The following CPVL variants were observed in gnomAD, a reference collection of about 807,000 sequenced individuals.
The protein encoded by CPVL is carboxypeptidase vitellogenic like, also known as probable serine carboxypeptidase CPVL.
A neutral mutation model predicts 63.7 loss-of-function variants in CPVL; 51 were observed. The observed-to-expected ratio is 0.80, with a 90% CI of 0.64 to 1.01. The LOEUF (loss-of-function observed/expected upper bound fraction) is 1.01. Among genes scored for constraint, CPVL ranks in the 50% least tolerant of loss-of-function variants. The pLI is 0.00. For synonymous variants in CPVL, 195 were observed against 206.0 expected (o/e 0.95, Z 0.46); for missense variants, 530 against 573.1 (o/e 0.92, Z 0.77).
chr7:28,999,796 C>T (rs766090272), intron 12 of CPVL, among the ~76,000 whole-genome samples: 1 of 152,148 alleles, frequency 6.6e-6, no homozygotes, highest in Non-Finnish European at 1.5e-5. Context: ...CCACAAAATT[C>T]CCAAACAAAG....
intron 11 of CPVL, among the ~76,000 whole-genome samples, chr7:29,060,163 C>T (rs1004799217): frequency 6.7e-5 from 10 of 149,374 alleles, no homozygotes; most frequent in African/African-American, 2.4e-4. Flanking sequence ...TTGGTAATAG[C>T]TTATATATAT....
At chr7:29,094,850 G>GAA (rs913594163) in intron 5 of CPVL, among the ~76,000 whole-genome samples, 7 of 123,928 alleles carry the variant, frequency 5.6e-5, no homozygotes, top group African/African-American at 1.5e-4. Flanking sequence ...CATCTCAATA[G>GAA]AAAAAAAAAA....
intron 6 of CPVL, among the ~76,000 whole-genome samples, chr7:29,091,981 T>G (rs1305176075): frequency 6.6e-6 from 1 of 152,132 alleles, no homozygotes; most frequent in African/African-American, 2.4e-5. Context: ...TTATAATACA[T>G]AAAGCGGTGC....
chr7:29,184,761 TTGACCACA>T (rs1188866343), intron 3 of CPVL, among the ~76,000 whole-genome samples: 1 of 152,180 alleles, frequency 6.6e-6, no homozygotes, highest in Non-Finnish European at 1.5e-5. Flanking sequence ...GAAATAATGT[TTGACCACA>T]TACCTGGGCA....
At chr7:29,160,469 T>G (rs891578827) in intron 5 of CPVL, among the ~76,000 whole-genome samples, 1 of 152,198 alleles carries the variant, frequency 6.6e-6, no homozygotes, top group African/African-American at 2.4e-5. Context: ...CCCTAGTCAG[T>G]CATGGCTACC....
At chr7:29,179,253 T>TG (rs1797765926) in intron 5 of CPVL, among the ~76,000 whole-genome samples, 1 of 152,120 alleles carries the variant, frequency 6.6e-6, no homozygotes, top group Non-Finnish European at 1.5e-5. Flanking sequence ...TGCATGAGAG[T>TG]GGGCATGGGA....
intron 12 of CPVL, among the ~76,000 whole-genome samples, chr7:29,007,232 A>G (rs1405454974): frequency 6.6e-6 from 1 of 152,210 alleles, no homozygotes; most frequent in Non-Finnish European, 1.5e-5. Flanking sequence ...TATTTTAAAT[A>G]ATACAATAAA....
At chr7:29,128,203 TTA>T (rs1216188677) in intron 1 of CPVL, 1 of 148,442 alleles carries the variant, frequency 6.7e-6, no homozygotes. Context: ...TTTTTTTTTT[TTA>T]AACCAAGATC....
chr7:29,090,496 T>C (rs1293145728), intron 6 of CPVL, among the ~76,000 whole-genome samples: 1 of 152,180 alleles, frequency 6.6e-6, no homozygotes, highest in East Asian at 1.9e-4. Flanking sequence ...ATAGCAGCAC[T>C]TCCATTTGGC....
intron 1 of CPVL, among the ~76,000 whole-genome samples, chr7:29,129,906 G>A (rs1327958418): frequency 1.3e-5 from 2 of 152,144 alleles, no homozygotes; most frequent in African/African-American, 2.4e-5. Context: ...GCCATGTGAC[G>A]AAGAGGCAGA....
chr7:29,052,895 C>A (rs1790337115), intron 11 of CPVL, among the ~76,000 whole-genome samples: 1 of 152,074 alleles, frequency 6.6e-6, no homozygotes, highest in East Asian at 1.9e-4. Flanking sequence ...GGCGACAGAG[C>A]AAGTCTCCAT....
intron 5 of CPVL, among the ~76,000 whole-genome samples, chr7:29,174,342 A>G (rs182791282): frequency 1.3e-5 from 2 of 152,208 alleles, no homozygotes; most frequent in East Asian, 1.9e-4. Context: ...GGGAAAGGAC[A>G]GAAGCAAAAG....
intron 12 of CPVL, among the ~76,000 whole-genome samples, chr7:29,018,711 C>T (rs1786664761): frequency 6.6e-6 from 1 of 152,102 alleles, no homozygotes; most frequent in Non-Finnish European, 1.5e-5. Flanking sequence ...GGAGTCAAAA[C>T]TTCCTTAGGG....
chr7:29,044,187 G>A (rs1467912549), intron 11 of CPVL, among the ~76,000 whole-genome samples: 2 of 152,130 alleles, frequency 1.3e-5, no homozygotes, highest in African/African-American at 4.8e-5. Context: ...GGCCGAGGCA[G>A]GAGTTCAAGA....
intron 5 of CPVL, among the ~76,000 whole-genome samples, chr7:29,154,320 A>T (rs1343085798): frequency 6.6e-6 from 1 of 152,188 alleles, no homozygotes; most frequent in Non-Finnish European, 1.5e-5. Flanking sequence ...CTCCATTCGT[A>T]TGCAGTGAAT....
intron 12 of CPVL, among the ~76,000 whole-genome samples, chr7:29,021,388 C>T (rs1786961212): frequency 6.6e-6 from 1 of 152,144 alleles, no homozygotes; most frequent in Non-Finnish European, 1.5e-5. Flanking sequence ...GCTGTCACCT[C>T]CTTCACGAAG....
chr7:29,112,091 G>C (rs185035015), intron 3 of CPVL, among the ~76,000 whole-genome samples: 1 of 152,224 alleles, frequency 6.6e-6, no homozygotes, highest in East Asian at 1.9e-4. Context: ...TGTCTATAGA[G>C]ATTTGGGAAA....
intron 2 of CPVL, among the ~76,000 whole-genome samples, chr7:29,114,172 G>A (rs1788536379): frequency 6.6e-6 from 1 of 152,172 alleles, no homozygotes; most frequent in Non-Finnish European, 1.5e-5. Flanking sequence ...ACAAGTCAGG[G>A]TCCTGACTGC....
intron 3 of CPVL, among the ~76,000 whole-genome samples, chr7:29,111,327 C>T (rs540560448): frequency 4.2e-4 from 64 of 152,278 alleles, no homozygotes; most frequent in African/African-American, 1.5e-3. Flanking sequence ...GTTAGGCAGA[C>T]CCCTATGGGC....
Sources: gnomAD v4.1 joint callset for allele counts (sites outside exome capture counted in the v4.1 genomes callset) on GRCh38, gnomAD v4.1.1 for gene constraint, MANE v1.5 for transcripts, NCBI Gene and HGNC (gene_info 2026-07-23, HGNC 2026-07-21) for gene names.